The following ADIPOQ variants were observed in gnomAD, a reference collection of about 807,000 sequenced individuals.
ADIPOQ encodes adiponectin, C1Q and collagen domain containing.
A neutral mutation model predicts 16.1 loss-of-function variants in ADIPOQ; 19 were observed. The observed-to-expected ratio is 1.18, with a 90% CI of 0.82 to 1.73. The LOEUF (loss-of-function observed/expected upper bound fraction) is 1.73. ADIPOQ is among the 40% of genes most tolerant of loss of function. The probability of loss-of-function intolerance (pLI) is 0.00; values close to 1 mark genes in which losing one functional copy is unlikely to be tolerated. For synonymous variants in ADIPOQ, 124 were observed against 125.5 expected, an observed-to-expected ratio of 0.99 and a Z score of 0.08; for missense variants, 323 against 308.3, an observed-to-expected ratio of 1.05 and a Z score of -0.36.
In ADIPOQ at chr3:186,854,752, A is replaced by G. The variant is rs1246652042; in HGVS notation, c.*48A>G. On this transcript the variant is annotated 3_prime_UTR_variant, in exon 3 of 3. Coordinates refer to ENST00000320741, the MANE Select transcript of ADIPOQ (RefSeq NM_004797.4). ...TCCAGGCCAAACAGCCCCAAAGTCA[A>G]TTAAAGGCTTTCAGTACGGTTAGGA... is the stretch of plus-strand genomic sequence containing the variant. The G allele has an allele frequency of 1.2e-6, 2 of 1,603,200 alleles. No individual in the cohort carries two copies. Among genetic ancestry groups the G allele is most frequent in the Non-Finnish European group, 1.7e-6 (2 of 1,171,492 alleles).
intron 1 of ADIPOQ, among the ~76,000 whole-genome samples, chr3:186,850,450 G>T (rs1157618862): frequency 1.3e-5 from 2 of 152,050 alleles, no homozygotes; most frequent in Non-Finnish European, 2.9e-5. Flanking sequence ...AACATATGCT[G>T]CCATGTGGGG....
chr3:186,853,296 C>T, intron 2 of ADIPOQ, 24 bp downstream of exon 2: 2 of 1,561,570 alleles, frequency 1.3e-6, no homozygotes, highest in Non-Finnish European at 8.7e-7. Context: ...TGGCCTCTTT[C>T]ATCACAGACC....
At chr3:186,847,115 A>T (rs1711598739) in intron 1 of ADIPOQ, among the ~76,000 whole-genome samples, 1 of 152,238 alleles carries the variant, frequency 6.6e-6, no homozygotes, top group African/African-American at 2.4e-5. Context: ...GAGCACTGAC[A>T]TGTGCCAGAC....
At chr3:186,853,006 T>C in intron 1 of ADIPOQ, 45 bp from the exon 2 acceptor site, 1 of 1,601,534 alleles carries the variant, frequency 6.2e-7, no homozygotes, top group African/African-American at 1.3e-5. Flanking sequence ...GGTGTGTGTG[T>C]GGGGTCTGTC....
rs1270943668 is a variant in ADIPOQ, at chr3:186,857,506, A to G, written c.*2802A>G. The G allele has an allele frequency of 6.6e-6, 1 of 152,170 alleles. No individual in the cohort carries two copies. The highest frequency in any genetic ancestry group is 1.5e-5 in the Non-Finnish European group (1 of 68,014). The allele number at this position is 152,170 out of a possible 1,614,324, so 9.4% of individuals were successfully genotyped here. On this transcript the variant is annotated 3_prime_UTR_variant, in exon 3 of 3. Transcript: ENST00000320741. ...AGTCTGGCTATGCTCACAGTCTCAC[A>G]TCTGGTTGGGGTGGGCTCCTTACAG... is the stretch of plus-strand genomic sequence containing the variant.
chr3:186,844,511 CAAAAAAAAA>C (rs33955672), intron 1 of ADIPOQ, among the ~76,000 whole-genome samples: 2 of 122,464 alleles, frequency 1.6e-5, no homozygotes, highest in Non-Finnish European at 3.3e-5. Flanking sequence ...AACTCCATCT[CAAAAAAAAA>C]AAAAAAAAAA....
At chr3:186,848,447 C>T (rs1711644981) in intron 1 of ADIPOQ, among the ~76,000 whole-genome samples, 3 of 152,166 alleles carry the variant, frequency 2.0e-5, no homozygotes, top group Admixed American at 6.6e-5. Flanking sequence ...AGGAAACGAT[C>T]CCTGAGAGAC....
intron 1 of ADIPOQ, among the ~76,000 whole-genome samples, chr3:186,845,100 GTA>G: frequency 6.6e-6 from 1 of 151,862 alleles, no homozygotes; most frequent in Admixed American, 6.6e-5. Context: ...GGATGGGTGT[GTA>G]TGTGTGGGGG....
At chr3:186,842,839 G>C (rs1339460907) in intron 1 of ADIPOQ, 90 bp downstream of exon 1, 1 of 152,416 alleles carries the variant, frequency 6.6e-6, no homozygotes, top group Non-Finnish European at 1.5e-5. Flanking sequence ...GTCCGTAGTA[G>C]TGTGGGAGTG....
At chr3:186,851,444 G>T (rs571154651) in intron 1 of ADIPOQ, among the ~76,000 whole-genome samples, 1 of 152,238 alleles carries the variant, frequency 6.6e-6, no homozygotes, top group Non-Finnish European at 1.5e-5. Flanking sequence ...GGCAGAATCT[G>T]AGAGGGGATA....
intron 1 of ADIPOQ, chr3:186,852,830 C>A (rs1579208503): frequency 1.8e-6 from 1 of 557,036 alleles, no homozygotes; most frequent in East Asian, 3.0e-5. Context: ...GGAAAGGAGA[C>A]TACACACAGG....
At chr3:186,851,683 A>G (rs547080611) in intron 1 of ADIPOQ, among the ~76,000 whole-genome samples, 1 of 149,368 alleles carries the variant, frequency 6.7e-6, no homozygotes, top group African/African-American at 2.5e-5. Flanking sequence ...TGGCTCTCTC[A>G]TGATTTCTTT....
intron 1 of ADIPOQ, among the ~76,000 whole-genome samples, chr3:186,850,736 A>G (rs552452180): frequency 3.3e-5 from 5 of 152,268 alleles, no homozygotes; most frequent in Admixed American, 2.6e-4. Flanking sequence ...AAAAATAGTC[A>G]TTATAAAAAC....
chr3:186,848,684 A>G (rs1221923228), intron 1 of ADIPOQ, among the ~76,000 whole-genome samples: 5 of 152,154 alleles, frequency 3.3e-5, no homozygotes, highest in Non-Finnish European at 7.4e-5. Flanking sequence ...TTTGACTCTA[A>G]TGTGTCTCCT....
At chr3:186,849,670 TTCTC>T (rs888715609) in intron 1 of ADIPOQ, among the ~76,000 whole-genome samples, 1 of 152,186 alleles carries the variant, frequency 6.6e-6, no homozygotes, top group African/African-American at 2.4e-5. Context: ...TCTGTCTCTC[TTCTC>T]TCTGTCTGCC....
At chr3:186,853,008 G>T in intron 1 of ADIPOQ, 43 bp from the exon 2 acceptor site, 2 of 1,602,060 alleles carry the variant, frequency 1.2e-6, no homozygotes, top group Non-Finnish European at 1.7e-6. Flanking sequence ...TGTGTGTGTG[G>T]GGTCTGTCTC....
intron 1 of ADIPOQ, among the ~76,000 whole-genome samples, chr3:186,851,454 A>T (rs1032118438): frequency 5.5e-4 from 84 of 152,140 alleles, no homozygotes; most frequent in African/African-American, 1.8e-3. Flanking sequence ...GAGAGGGGAT[A>T]AAAGTCCCTA....
intron 1 of ADIPOQ, among the ~76,000 whole-genome samples, chr3:186,850,151 T>C (rs1226842433): frequency 6.6e-6 from 1 of 151,872 alleles, no homozygotes; most frequent in Non-Finnish European, 1.5e-5. Context: ...ATGCCTGTAA[T>C]CTCAGCTACT....
rs1392084073 is a variant in ADIPOQ at position 186,856,235 on chromosome 3, T to C, written c.*1531T>C. 6.6e-6 allele frequency: 1 copy of C among 152,166 alleles called. No individual in the cohort carries two copies. Among genetic ancestry groups the C allele is most frequent in the Non-Finnish European group, 1.5e-5 (1 of 68,028 alleles). The allele number at this position is 152,166 out of a possible 1,614,324, so 9.4% of individuals were successfully genotyped here. A position where few individuals can be genotyped will look rare whatever the true frequency, so the allele number is the denominator to read the frequency against. ...GTTCTTTAAGAATTACAGGTTGAGG[T>C]AGTTGATGGTGGTAAACATTCTCTC... is the stretch of plus-strand genomic sequence containing the variant. On this transcript the variant is annotated 3_prime_UTR_variant, in exon 3 of 3. Coordinates refer to ENST00000320741, the MANE Select transcript of ADIPOQ (RefSeq NM_004797.4).
Sources: gnomAD v4.1 joint callset for allele counts (sites outside exome capture counted in the v4.1 genomes callset) on GRCh38, gnomAD v4.1.1 for gene constraint, MANE v1.5 for transcripts, NCBI Gene and HGNC (gene_info 2026-07-23, HGNC 2026-07-21) for gene names.